CUL9: variants seen among roughly 807,000 people sequenced by gnomAD.
CUL9 encodes the protein cullin-9.
Under a neutral mutation model 272.6 loss-of-function variants are expected in CUL9, and 79 were observed. The observed-to-expected ratio is 0.29, with a 90% CI of 0.24 to 0.35. The LOEUF is 0.35. Ranked by LOEUF, CUL9 falls within the 10% of genes least tolerant of loss-of-function variation. The pLI is 1.00. For missense variants in CUL9, 2,532 were observed against 3,255.6 expected (o/e 0.78, Z 5.41); for synonymous variants, 1,186 against 1,286.5 (o/e 0.92, Z 1.67).
chr6:43,222,967 G>C (rs1221916361), intron 38 of CUL9, 71 bp downstream of exon 38: 3 of 1,328,510 alleles, frequency 2.3e-6, no homozygotes, highest in Non-Finnish European at 3.2e-6. Context: ...GCCCCTCCCA[G>C]ACAGGTCAAG....
intron 9 of CUL9, among the ~76,000 whole-genome samples, chr6:43,193,627 A>G (rs907980446): frequency 6.6e-6 from 1 of 151,588 alleles, no homozygotes; most frequent in African/African-American, 2.4e-5. Context: ...GGTCACTACA[A>G]CCTCCACCTC....
At position 43,184,344 on chromosome 6, in the gene CUL9, G is replaced by T; in HGVS notation, c.34G>T (p.Val12Leu). 2 of 1,558,376 alleles carry T rather than the reference G, an allele frequency of 1.3e-6. No homozygotes were observed. The highest frequency in any genetic ancestry group is 1.7e-6 in the Non-Finnish European group (2 of 1,146,710). Residue 12 changes from valine (V) to leucine (L), a missense_variant, in exon 2 of 41, where the codon GTG becomes TTG. By Grantham distance (32) the Val-to-Leu change is conservative (BLOSUM62 1). This residue lies in a region of CUL9 where 2,218 missense variants were observed against 2,788.6 expected (regional missense o/e 0.80). Coordinates refer to ENST00000252050, the MANE Select transcript of CUL9 (RefSeq NM_015089.4). The surrounding 1 kb of genome is among the most constrained non-coding windows in gnomAD (Gnocchi z 4.8). ...VGERHAGDLMVPLGPRLQAYP... is the reference protein window; with the variant it reads ...VGERHAGDLMLPLGPRLQAYP... ...GGAACGGCATGCTGGGGACCTCATG[G>T]TGCCCTTAGGGCCTCGGCTGCAGGC... is the stretch of plus-strand genomic sequence containing the variant.
chr6:43,182,821 C>T (rs78780266), intron 1 of CUL9, among the ~76,000 whole-genome samples: 4,558 of 152,266 alleles, frequency 0.03, 137 homozygotes, highest in Non-Finnish European at 0.038. Context: ...TTCTTATTCT[C>T]ACTATTCCCT....
rs753633638 is a variant in CUL9, at chr6:43,200,525, G to C, written c.3474G>C (p.Gln1158His). 6.2e-7 allele frequency: 1 copy of C among 1,614,176 alleles called. No homozygotes were observed. Among genetic ancestry groups the C allele is most frequent in the South Asian group, 1.1e-5 (1 of 91,078 alleles). Reference protein sequence around the residue: ...FFDVFLRHLCQGSSVEVKEDK... With the variant: ...FFDVFLRHLCHGSSVEVKEDK... ...ATGTGTTCCTCAGGCATCTCTGCCAGGGTTAGTGCCCTCATCTGCTTTCTC... is the reference window on the plus strand; with the variant it reads ...ATGTGTTCCTCAGGCATCTCTGCCACGGTTAGTGCCCTCATCTGCTTTCTC... Residue 1158 changes from glutamine to histidine, a missense_variant and splice_region_variant, in exon 15 of 41, where the codon CAG (glutamine) becomes CAC (histidine). By Grantham distance (24) the Gln-to-His change is conservative. Transcript: ENST00000252050. This position sits in a 1 kb window ranked among gnomAD's most constrained non-coding sequence, Gnocchi z 4.0.
In CUL9 at chr6:43,213,804, T is replaced by C. The variant is rs1187103024; in HGVS notation, c.5580T>C (p.Asp1860=). ...PPQAYLNVEK[D]EGRTLEQKRN... ...AGGCATACCTGAACGTAGAGAAGGA[T>C]GAAGGCCGAACCCTGGAACAGAAGA... The change falls in exon 29 of 41, where the codon GAT becomes GAC. Residue 1860 remains aspartate, a synonymous_variant. Coordinates refer to ENST00000252050, the MANE Select transcript of CUL9 (RefSeq NM_015089.4). This position sits in a 1 kb window ranked among gnomAD's most constrained non-coding sequence, Gnocchi z 5.7. 5 of 1,614,072 alleles carry C rather than the reference T, an allele frequency of 3.1e-6. No individual in the cohort carries two copies. Among genetic ancestry groups the C allele is most frequent in the African/African-American group, 2.7e-5 (2 of 74,928 alleles).
chr6:43,186,143 T>C lies in CUL9; in HGVS notation c.939T>C (p.Leu313=), dbSNP rs2150518056. ...SMAVGNLISE[L]VRSMGWARNL... ...CTGTGGGCAACCTCATCTCTGAGCT[T>C]GTGCGGAGCATGGGCTGGGCCCGGA... The change falls in exon 4 of 41, where the codon CTT becomes CTC. Residue 313 remains leucine (L), a synonymous_variant. Transcript: ENST00000252050. 1 of 1,614,216 alleles carries C rather than the reference T, an allele frequency of 6.2e-7. No individual in the cohort carries two copies. The highest frequency in any genetic ancestry group is 1.6e-4 in the Middle Eastern group (1 of 6,062).
chr6:43,184,291 G>T lies in CUL9; in HGVS notation c.-9-11G>T, dbSNP rs1772718721. The T allele has an allele frequency of 2.1e-6, 3 of 1,441,968 alleles. No individual in the cohort carries two copies. The highest frequency in any genetic ancestry group is 5.0e-5 in the East Asian group (2 of 40,338). The allele number at this position is 1,441,968 out of a possible 1,614,324, so 89.3% of individuals were successfully genotyped here. On this transcript the variant is annotated splice_polypyrimidine_tract_variant and intron_variant, in intron 1 of 40. Transcript: ENST00000252050. The surrounding 1 kb of genome is among the most constrained non-coding windows in gnomAD (Gnocchi z 4.8). Reference sequence around the variant, plus strand: ...CTCATACTGCCTTATCTTTCTCCTTGTGTATCCCAGGAGGTCAGGATGGTG... The same window carrying T: ...CTCATACTGCCTTATCTTTCTCCTTTTGTATCCCAGGAGGTCAGGATGGTG...
Position 43,188,576 on chromosome 6 carries a change from G to A in CUL9, c.2041G>A (p.Val681Met), listed in dbSNP as rs1773136636. 2.5e-6 allele frequency: 4 copies of A among 1,614,168 alleles called. No homozygotes were observed. The highest frequency in any genetic ancestry group is 2.2e-5 in the South Asian group (2 of 91,074). ...PGPRSSLDQH[V>M]AAVVATVQIS... ...TCCTCGCAGCTCCCTGGATCAGCATGTGGCAGCGGTCGTGGCCACTGTGCA... is the reference window on the plus strand; with the variant it reads ...TCCTCGCAGCTCCCTGGATCAGCATATGGCAGCGGTCGTGGCCACTGTGCA... The change falls in exon 8 of 41, where the codon GTG (valine) becomes ATG (methionine). Residue 681 changes from valine to methionine, a missense_variant. Coordinates refer to ENST00000252050, the MANE Select transcript of CUL9 (RefSeq NM_015089.4).
rs139603134 is a variant in CUL9 at position 43,200,744 on chromosome 6, C to T, written c.3557C>T (p.Thr1186Met). The change falls in exon 16 of 41, where the codon ACG becomes ATG. Residue 1186 changes from threonine (T) to methionine (M), a missense_variant. Physicochemically the swap from Thr to Met is moderately conservative, Grantham distance 81. This residue lies in a region of CUL9 where 2,218 missense variants were observed against 2,788.6 expected (regional missense o/e 0.80). Transcript: ENST00000252050. The surrounding 1 kb of genome is among the most constrained non-coding windows in gnomAD (Gnocchi z 4.0). ...AACCCGCACCGAGCCAGCAAGCTGA[C>T]GGACCACAACCCCAAGACCTACTGG... Reference protein sequence around the residue: ...SSNPHRASKLTDHNPKTYWES... With the variant: ...SSNPHRASKLMDHNPKTYWES... 74 of 1,614,246 alleles carry T rather than the reference C, an allele frequency of 4.6e-5. No individual in the cohort carries two copies. The highest frequency in any genetic ancestry group is 2.9e-4 in the South Asian group (26 of 91,084).
intron 26 of CUL9, among the ~76,000 whole-genome samples, chr6:43,212,234 C>G (rs975699468): frequency 1.3e-5 from 2 of 152,346 alleles, no homozygotes; most frequent in African/African-American, 4.8e-5. Flanking sequence ...CAGGTTCAGC[C>G]TGTCTCCCTT....
chr6:43,188,549 G>A lies in CUL9; in HGVS notation c.2014G>A (p.Gly672Ser), dbSNP rs757367936. ...AATGGCCAGAGCCTTGCGGGGTCCC[G>A]GTCCTCGCAGCTCCCTGGATCAGCA... ...SEMARALRGP[G>S]PRSSLDQHVA... The change falls in exon 8 of 41, where the codon GGT becomes AGT. Residue 672 changes from glycine to serine, a missense_variant. Coordinates refer to ENST00000252050, the MANE Select transcript of CUL9 (RefSeq NM_015089.4). 8.1e-6 allele frequency: 13 copies of A among 1,612,026 alleles called. No homozygotes were observed. Among genetic ancestry groups the A allele is most frequent in the East Asian group, 4.5e-5 (2 of 44,862 alleles).
At position 43,200,574 on chromosome 6, in the gene CUL9, C is replaced by G; in HGVS notation, c.3475+48C>G. The stretch of plus-strand genomic sequence containing the variant: ...TCCTGGCTCCCATCCAGTGTCTGTT[C>G]TCCCCTTCCCTTCCTGCTCCTTAGA... On this transcript the variant is annotated intron_variant, in intron 15 of 40. Coordinates refer to ENST00000252050, the MANE Select transcript of CUL9 (RefSeq NM_015089.4). This position sits in a 1 kb window ranked among gnomAD's most constrained non-coding sequence, Gnocchi z 4.0. 1 of 1,613,950 alleles carries G rather than the reference C, an allele frequency of 6.2e-7. No homozygotes were observed. Among genetic ancestry groups the G allele is most frequent in the African/African-American group, 1.3e-5 (1 of 75,036 alleles).
At chr6:43,191,456 A>G (rs1773481337) in intron 8 of CUL9, among the ~76,000 whole-genome samples, 1 of 140,260 alleles carries the variant, frequency 7.1e-6, no homozygotes, top group African/African-American at 2.7e-5. Flanking sequence ...CTGGGACTAC[A>G]GGAATGAGCC....
Position 43,199,199 on chromosome 6 carries a change from G to A in CUL9, c.3051-67G>A, listed in dbSNP as rs868757192. 2 of 1,348,004 alleles carry A rather than the reference G, an allele frequency of 1.5e-6. No homozygotes were observed. Among genetic ancestry groups the A allele is most frequent in the Middle Eastern group, 2.2e-4 (1 of 4,530 alleles). 83.5% of individuals were successfully genotyped at this position (1,348,004 alleles called of 1,614,324 possible). A position where few individuals can be genotyped will look rare whatever the true frequency, so the allele number is the denominator to read the frequency against. On this transcript the variant is annotated intron_variant, in intron 12 of 40. Coordinates refer to ENST00000252050, the MANE Select transcript of CUL9 (RefSeq NM_015089.4). This position sits in a 1 kb window ranked among gnomAD's most constrained non-coding sequence, Gnocchi z 4.4. ...GATCCGCCCACTTCGGCCTCCCAAA[G>A]TGCTGGGATTACAGGCATGAGCCAC...
chr6:43,182,754 C>T (rs543199038), intron 1 of CUL9, among the ~76,000 whole-genome samples: 7 of 152,188 alleles, frequency 4.6e-5, no homozygotes, highest in African/African-American at 1.7e-4. Context: ...TGTCCCTGTA[C>T]CCCAACATGA....
At position 43,221,183 on chromosome 6, in the gene CUL9, A is replaced by G; in HGVS notation, c.6614A>G (p.His2205Arg). 6.2e-7 allele frequency: 1 copy of G among 1,611,332 alleles called. No homozygotes were observed. The highest frequency in any genetic ancestry group is 1.1e-5 in the South Asian group (1 of 91,034). The change falls in exon 34 of 41, where the codon CAT (histidine) becomes CGT (arginine). Residue 2205 changes from histidine (H) to arginine (R), a missense_variant. His to Arg is a conservative substitution (Grantham distance 29). Transcript: ENST00000252050. This position sits in a 1 kb window ranked among gnomAD's most constrained non-coding sequence, Gnocchi z 4.2. ...PEAHYPASCG[H>R]MSQWVDDGGY... ...GCACACTACCCTGCTAGCTGTGGCC[A>G]TATGTCTCAGTGGGTCGACGACGGT...
intron 2 of CUL9, 126 bp from the exon 3 acceptor site, chr6:43,185,330 G>T: frequency 1.1e-6 from 1 of 908,218 alleles, no homozygotes. Context: ...CATGTAAAAT[G>T]TATTTCTTTC....
chr6:43,195,652 C>T (rs1054216771), intron 9 of CUL9, among the ~76,000 whole-genome samples: 2 of 152,054 alleles, frequency 1.3e-5, no homozygotes, highest in Non-Finnish European at 1.5e-5. Context: ...AGAGATTTTG[C>T]AAAGGAAGGA....
intron 2 of CUL9, 117 bp from the exon 3 acceptor site, chr6:43,185,339 T>G: frequency 1.0e-6 from 1 of 989,734 alleles, no homozygotes; most frequent in Non-Finnish European, 1.5e-6. Flanking sequence ...TGTATTTCTT[T>G]CTGTGAGCCT....
Sources: allele counts gnomAD v4.1 joint callset (sites outside exome capture counted in the v4.1 genomes callset), GRCh38; gene constraint gnomAD v4.1.1; regional missense constraint gnomAD v4.1.1; non-coding constraint Gnocchi (gnomAD v3.1); transcripts MANE v1.5; gene names NCBI Gene and HGNC (gene_info 2026-07-23, HGNC 2026-07-21).